Variants in UPP2 observed in about 807,000 individuals in gnomAD.
UPP2 encodes uridine phosphorylase 2, also known as UPase 2.
UPP2 carries 23 observed loss-of-function variants against 26.7 expected under a neutral mutation model. The observed-to-expected ratio is 0.86, with a 90% CI of 0.62 to 1.22. UPP2 has a LOEUF of 1.22. Among genes scored for constraint, UPP2 ranks in the 50% most tolerant of loss-of-function variants. UPP2 has a pLI of 0.00. For missense variants in UPP2, 387 were observed against 396.7 expected, an observed-to-expected ratio of 0.98 and a Z score of 0.21; for synonymous variants, 127 against 141.3, an observed-to-expected ratio of 0.90 and a Z score of 0.72.
At chr2:158,130,030 T>A (rs1432619956) in intron 6 of UPP2, among the ~76,000 whole-genome samples, 1 of 152,112 alleles carries the variant, frequency 6.6e-6, no homozygotes, top group Non-Finnish European at 1.5e-5. Context: ...GTTCAAGCAA[T>A]CCTCGTGCCT....
At chr2:158,011,199 C>G (rs777060024) in intron 2 of UPP2, among the ~76,000 whole-genome samples, 4 of 152,054 alleles carry the variant, frequency 2.6e-5, no homozygotes, top group Non-Finnish European at 5.9e-5. Context: ...TGGTTTCACA[C>G]GGCAGAAATA....
Position 158,130,257 on chromosome 2 carries a change from A to G in UPP2, c.812-4491A>G, listed in dbSNP as rs534856352. On this transcript the variant is annotated intron_variant, in intron 6 of 6. Transcript: ENST00000005756. ...GGAGATCGAGACCATCCTGGCTAACATGGTGAAACCTCGTCTCTACTACAA... is the reference window on the plus strand; with the variant it reads ...GGAGATCGAGACCATCCTGGCTAACGTGGTGAAACCTCGTCTCTACTACAA... 2.6e-4 allele frequency among the ~76,000 whole-genome samples: 40 copies of G among 152,224 alleles called. No individual in the cohort carries two copies. The South Asian group carries it at 6.2e-3, about 24-fold the overall frequency.
chr2:158,060,616 C>T (rs1002748862), intron 3 of UPP2, among the ~76,000 whole-genome samples: 2 of 152,176 alleles, frequency 1.3e-5, no homozygotes, highest in Non-Finnish European at 2.9e-5. Context: ...ATGGACTAAA[C>T]TGTGTTCCCT....
chr2:158,061,676 T>C (rs1682354333), intron 3 of UPP2, among the ~76,000 whole-genome samples: 1 of 152,218 alleles, frequency 6.6e-6, no homozygotes, highest in South Asian at 2.1e-4. Context: ...ATTTAAACAG[T>C]TTCTTCTAGA....
At chr2:158,003,729 A>AG (rs1412322652) in intron 2 of UPP2, among the ~76,000 whole-genome samples, 13 of 151,560 alleles carry the variant, frequency 8.6e-5, no homozygotes, top group East Asian at 5.8e-4. Flanking sequence ...AAAAAAAAAA[A>AG]AGAGAGAAAA....
chr2:158,085,546 G>A (rs1682800774), intron 3 of UPP2, among the ~76,000 whole-genome samples: 1 of 152,134 alleles, frequency 6.6e-6, no homozygotes, highest in African/African-American at 2.4e-5. Context: ...ACGTTGAATA[G>A]AAGTGGTGAG....
chr2:158,123,466 G>A (rs1328726733), intron 5 of UPP2, among the ~76,000 whole-genome samples: 2 of 152,066 alleles, frequency 1.3e-5, no homozygotes, highest in Non-Finnish European at 2.9e-5. Flanking sequence ...TGATTTCCCT[G>A]GGCACAGTGC....
chr2:158,031,796 T>C (rs184056960), intron 3 of UPP2, among the ~76,000 whole-genome samples: 11 of 152,334 alleles, frequency 7.2e-5, no homozygotes, highest in Admixed American at 3.3e-4. Flanking sequence ...ATTTCCTACA[T>C]TTTTGGTTTT....
intron 2 of UPP2, 136 bp from the exon 3 acceptor site, chr2:158,114,965 G>A (rs1477350362): frequency 4.3e-5 from 34 of 781,668 alleles, no homozygotes; most frequent in Non-Finnish European, 5.5e-5. Context: ...GCTAATTCAT[G>A]GAACATAAAC....
intron 3 of UPP2, chr2:158,066,046 G>A: frequency 3.3e-6 from 1 of 303,868 alleles, no homozygotes. Context: ...AGTGGTCATA[G>A]ATACAACTGT....
chr2:158,062,753 C>A (rs535096945), intron 3 of UPP2, among the ~76,000 whole-genome samples: 1 of 152,098 alleles, frequency 6.6e-6, no homozygotes, highest in Admixed American at 6.6e-5. Flanking sequence ...GTTATTTTCC[C>A]GTCAGAGGAC....
chr2:158,099,569 C>T (rs948015419), upstream of UPP2, among the ~76,000 whole-genome samples: 1 of 152,124 alleles, frequency 6.6e-6, no homozygotes, highest in Non-Finnish European at 1.5e-5. Context: ...TGAACCAATA[C>T]AACCTTTGCT....
intron 3 of UPP2, among the ~76,000 whole-genome samples, chr2:158,050,214 C>T (rs1246524689): frequency 1.3e-5 from 2 of 152,152 alleles, no homozygotes; most frequent in Admixed American, 1.3e-4. Context: ...TTTCCATGAG[C>T]ACATTCCCAC....
At chr2:158,121,270 G>T in intron 4 of UPP2, 139 bp from the exon 5 acceptor site, 1 of 774,122 alleles carries the variant, frequency 1.3e-6, no homozygotes, top group Non-Finnish European at 2.2e-6. Context: ...AATTGCATTT[G>T]GAAAAGAAAA....
chr2:158,054,800 C>T (rs1558916130), intron 3 of UPP2, among the ~76,000 whole-genome samples: 2 of 152,156 alleles, frequency 1.3e-5, no homozygotes, highest in Non-Finnish European at 2.9e-5. Flanking sequence ...AATAAATACA[C>T]AAAACATAAA....
chr2:158,081,317 G>C (rs573171886), intron 3 of UPP2, among the ~76,000 whole-genome samples: 73 of 152,216 alleles, frequency 4.8e-4, no homozygotes, highest in African/African-American at 1.7e-3. Context: ...ATTGCACTAT[G>C]TTCTTATTTT....
Position 158,020,125 on chromosome 2 carries a change from TG to T in UPP2, c.147+4240del, listed in dbSNP as rs555670665. Reference sequence around the variant, plus strand: ...CATTAAACAAGGCCTGTTTGGTTTTTGTTTTTTTTAAAAAAAGCCTTATTAA... The same window carrying T: ...CATTAAACAAGGCCTGTTTGGTTTTTTTTTTTTTAAAAAAAGCCTTATTAA... On this transcript the variant is annotated intron_variant, in intron 3 of 9. Transcript: ENST00000605860. Among the ~76,000 whole-genome samples the T allele has an allele frequency of 4.8e-4, 73 of 152,354 alleles. 2 individuals are homozygous for T. In the South Asian group the frequency reaches 0.015, roughly 31 times the overall value.
chr2:158,024,769 T>A lies in UPP2; in HGVS notation c.147+8883T>A, dbSNP rs114927219. Among the ~76,000 whole-genome samples the A allele has an allele frequency of 8.3e-3, 1,267 of 152,238 alleles. 20 individuals carry two copies. Among genetic ancestry groups the A allele is most frequent in the African/African-American group, 0.029 (1,196 of 41,538 alleles). ...AAGCCATAGTCTTTGCAAAATGAAA[T>A]GTGTCACTTAAAGGGAGTGTTTTTT... On this transcript the variant is annotated intron_variant, in intron 3 of 9. Coordinates refer to the UPP2 transcript ENST00000605860.
At chr2:158,117,636 G>A (rs1683468610) in intron 3 of UPP2, among the ~76,000 whole-genome samples, 188 bp from the exon 4 acceptor site, 2 of 152,000 alleles carry the variant, frequency 1.3e-5, no homozygotes, top group East Asian at 3.9e-4. Context: ...CTTCACAGAT[G>A]GACACATCTG....
Sources: gnomAD v4.1 joint callset for allele counts (sites outside exome capture counted in the v4.1 genomes callset) on GRCh38, gnomAD v4.1.1 for gene constraint, MANE v1.5 for transcripts, NCBI Gene and HGNC (gene_info 2026-07-23, HGNC 2026-07-21) for gene names.